OCA2: variants seen among roughly 807,000 people sequenced by gnomAD.
OCA2 encodes the protein P protein.
OCA2 carries 77 observed loss-of-function variants against 100.2 expected under a neutral mutation model. The observed-to-expected ratio is 0.77, with a 90% CI of 0.64 to 0.93. The LOEUF (loss-of-function observed/expected upper bound fraction) is 0.93. Among genes scored for constraint, OCA2 ranks in the 40% least tolerant of loss-of-function variants. The pLI, the probability that OCA2 is intolerant of heterozygous loss-of-function variation, is 0.00. For missense variants in OCA2, 1,062 were observed against 1,089.1 expected, an observed-to-expected ratio of 0.98 and a Z score of 0.35; for synonymous variants, 432 against 439.2, an observed-to-expected ratio of 0.98 and a Z score of 0.21.
At chr15:27,886,045 A>C (rs2037209181) in intron 19 of OCA2, among the ~76,000 whole-genome samples, 1 of 152,320 alleles carries the variant, frequency 6.6e-6, no homozygotes, top group South Asian at 2.1e-4. Context: ...ATATTTGAGG[A>C]GACTCTAGAG....
intron 2 of OCA2, among the ~76,000 whole-genome samples, chr15:28,074,791 A>C (rs1456850820): frequency 2.0e-5 from 3 of 152,006 alleles, no homozygotes; most frequent in Non-Finnish European, 2.9e-5. Flanking sequence ...AGGTTGCAGT[A>C]AGCCGAGATA....
At chr15:27,855,300 C>T (rs2035909720) in intron 21 of OCA2, among the ~76,000 whole-genome samples, 1 of 152,214 alleles carries the variant, frequency 6.6e-6, no homozygotes, top group Admixed American at 6.5e-5. Context: ...GAAGTCTGCC[C>T]ATGCAACTGA....
chr15:27,720,501 GA>G, the OCA2 span, among the ~76,000 whole-genome samples: 7 of 150,124 alleles, frequency 4.7e-5, no homozygotes, highest in African/African-American at 1.7e-4. Flanking sequence ...ATTCATCTAT[GA>G]AGAAGCTGTA....
At position 27,893,229 on chromosome 15, in the gene OCA2, C is replaced by A. The variant is rs556882819; in HGVS notation, c.2080-21307G>T. On this transcript the variant is annotated intron_variant, in intron 19 of 23. Transcript: ENST00000354638. ...TTCCTGAATAATACTTTTATAATTT[C>A]TTATGCCTGTCTTTACTTTAATCTC... Among the ~76,000 whole-genome samples the A allele has an allele frequency of 5.9e-5, 9 of 152,296 alleles. No homozygotes were observed. The East Asian group carries it at 1.2e-3, about 20-fold the overall frequency.
intron 2 of OCA2, among the ~76,000 whole-genome samples, chr15:28,070,087 G>C (rs1377048470): frequency 8.8e-6 from 1 of 113,422 alleles, no homozygotes; most frequent in African/African-American, 6.4e-5. Flanking sequence ...ACCTCTGCCC[G>C]GCCGAGACCC....
chr15:27,721,316 C>T, the OCA2 span, among the ~76,000 whole-genome samples: 1 of 152,104 alleles, frequency 6.6e-6, no homozygotes, highest in Non-Finnish European at 1.5e-5. Flanking sequence ...TGCAGTGAGC[C>T]ATGATTGTGT....
chr15:27,842,226 A>G (rs1278206601), intron 23 of OCA2, among the ~76,000 whole-genome samples: 1 of 152,240 alleles, frequency 6.6e-6, no homozygotes, highest in Non-Finnish European at 1.5e-5. Context: ...GTAGGACACA[A>G]TGTGATTCAA....
intron 23 of OCA2, among the ~76,000 whole-genome samples, chr15:27,794,550 A>G (rs1032979766): frequency 3.9e-5 from 6 of 152,226 alleles, no homozygotes; most frequent in African/African-American, 1.4e-4. Flanking sequence ...CCATGACTGC[A>G]TAAGTCTCCA....
At position 28,016,170 on chromosome 15, in the gene OCA2, G is replaced by A. The variant is rs369750458; in HGVS notation, c.824C>T (p.Thr275Met). Residue 275 changes from threonine to methionine, a missense_variant, in exon 8 of 24, where the codon ACG becomes ATG. Transcript: ENST00000354638. ...GCTTCTCCTCGGATTTAAATACACCGTCCAGTTGTGAGTGACCTGTACAAG... is the reference window on the plus strand; with the variant it reads ...GCTTCTCCTCGGATTTAAATACACCATCCAGTTGTGAGTGACCTGTACAAG... ...RRPQQVTHNWTVYLNPRRSEH... is the reference protein window; with the variant it reads ...RRPQQVTHNWMVYLNPRRSEH... The A allele has an allele frequency of 2.7e-5, 43 of 1,614,050 alleles. No individual in the cohort carries two copies. Among genetic ancestry groups the A allele is most frequent in the Admixed American group, 1.2e-4 (7 of 60,026 alleles).
chr15:28,082,289 T>C (rs113911935), intron 1 of OCA2, among the ~76,000 whole-genome samples: 3,006 of 152,286 alleles, frequency 0.02, 106 homozygotes, highest in African/African-American at 0.068. Flanking sequence ...AAAGGCTGGC[T>C]ACCCCAACAC....
intron 18 of OCA2, among the ~76,000 whole-genome samples, chr15:27,948,277 G>A (rs1014563906): frequency 2.0e-5 from 3 of 152,130 alleles, no homozygotes; most frequent in African/African-American, 7.2e-5. Flanking sequence ...CTGTGGGAAC[G>A]CAACGGGGTT....
At chr15:27,848,651 G>C (rs1482799556) in intron 22 of OCA2, among the ~76,000 whole-genome samples, 1 of 152,256 alleles carries the variant, frequency 6.6e-6, no homozygotes, top group African/African-American at 2.4e-5. Context: ...TGTTTTTGAT[G>C]AATGCTGCAC....
At chr15:27,871,291 C>T (rs780536111) in intron 20 of OCA2, 33 bp from the exon 21 acceptor site, 4 of 1,534,618 alleles carry the variant, frequency 2.6e-6, no homozygotes, top group Non-Finnish European at 3.6e-6. Flanking sequence ...TGCAGTGTTC[C>T]ATCGCATGCA....
chr15:27,779,518 TC>T (rs1315340704), intron 23 of OCA2, among the ~76,000 whole-genome samples: 1 of 152,240 alleles, frequency 6.6e-6, no homozygotes, highest in Non-Finnish European at 1.5e-5. Context: ...ATGGCATCTT[TC>T]TTTGTCTCTT....
At chr15:27,929,333 C>A (rs1427173050) in intron 18 of OCA2, among the ~76,000 whole-genome samples, 1 of 151,896 alleles carries the variant, frequency 6.6e-6, no homozygotes, top group African/African-American at 2.4e-5. Flanking sequence ...AAAAATATAC[C>A]CATATATTTA....
At chr15:27,763,315 G>T (rs561465863) in intron 23 of OCA2, among the ~76,000 whole-genome samples, 394 of 152,210 alleles carry the variant, frequency 2.6e-3, no homozygotes, top group Admixed American at 6.5e-3. Flanking sequence ...TAAAACATTT[G>T]CTCAATAAAT....
At chr15:27,835,245 T>C (rs2035103743) in intron 23 of OCA2, among the ~76,000 whole-genome samples, 1 of 152,186 alleles carries the variant, frequency 6.6e-6, no homozygotes, top group African/African-American at 2.4e-5. Flanking sequence ...GCAAATAAAA[T>C]GATGCGGCAG....
At chr15:27,726,300 AAAAT>A in the OCA2 span, among the ~76,000 whole-genome samples, 41,264 of 146,354 alleles carry the variant, frequency 0.28, 6,951 homozygotes, top group Non-Finnish European at 0.38. Context: ...TCCAGCTCAA[AAAAT>A]AAATAAATAA....
rs184613134 is a variant in OCA2, at chr15:28,043,599, G to C, written c.228-11436C>G. Reference sequence around the variant, plus strand: ...AAAGACTCCTGTTTAGAGAACCACTGCCATGTAATTAAGCAAGTTTTCAAA... The same window carrying C: ...AAAGACTCCTGTTTAGAGAACCACTCCCATGTAATTAAGCAAGTTTTCAAA... On this transcript the variant is annotated intron_variant, in intron 2 of 23. Coordinates refer to ENST00000354638, the MANE Select transcript of OCA2 (RefSeq NM_000275.3). This position sits in a 1 kb window ranked among gnomAD's most constrained non-coding sequence, Gnocchi z 4.4. Among the ~76,000 whole-genome samples, 69 of 152,262 alleles carry C rather than the reference G, an allele frequency of 4.5e-4. No homozygotes were observed. In the East Asian group the frequency reaches 8.7e-3, roughly 19 times the overall value.
Sources: gnomAD v4.1 joint callset for allele counts (sites outside exome capture counted in the v4.1 genomes callset) on GRCh38, gnomAD v4.1.1 for gene constraint, Gnocchi (gnomAD v3.1) non-coding constraint, MANE v1.5 for transcripts, NCBI Gene and HGNC (gene_info 2026-07-23, HGNC 2026-07-21) for gene names.